Variants in ZW10 observed in about 807,000 individuals in gnomAD.
The protein encoded by ZW10 is zw10 kinetochore protein.
ZW10 carries 53 observed loss-of-function variants against 87.8 expected under a neutral mutation model. The ratio of observed to expected loss-of-function variants is 0.60; its 90% CI spans 0.48 to 0.76. The LOEUF (loss-of-function observed/expected upper bound fraction) is 0.76. Among genes scored for constraint, ZW10 ranks in the 30% least tolerant of loss-of-function variants. ZW10 has a pLI of 0.00. For synonymous variants in ZW10, 312 were observed against 329.2 expected (o/e 0.95, Z 0.57); for missense variants, 837 against 923.0 (o/e 0.91, Z 1.21).
At chr11:113,771,631 TCTC>T (rs1304213268) in intron 1 of ZW10, 1 of 152,152 alleles carries the variant, frequency 6.6e-6, no homozygotes, top group Non-Finnish European at 1.5e-5. Context: ...TGCCACAAAT[TCTC>T]CTTTATCTTT....
At chr11:113,753,936 G>A (rs954981535) in intron 7 of ZW10, among the ~76,000 whole-genome samples, 2 of 152,212 alleles carry the variant, frequency 1.3e-5, no homozygotes, top group African/African-American at 4.8e-5. Context: ...AGCAGCAAGT[G>A]CCAATGGAAA....
intron 2 of ZW10, among the ~76,000 whole-genome samples, chr11:113,761,548 T>A (rs2134892045): frequency 6.6e-6 from 1 of 152,278 alleles, no homozygotes; most frequent in South Asian, 2.1e-4. Context: ...CCCAAAGTGC[T>A]GAGATTGTAG....
chr11:113,739,492 G>C, intron 11 of ZW10, 110 bp from the exon 12 acceptor site: 1 of 957,654 alleles, frequency 1.0e-6, no homozygotes, highest in Non-Finnish European at 1.5e-6. Flanking sequence ...TAACTGTCTA[G>C]TTTCTAAATG....
At chr11:113,738,535 C>T (rs1953577683) in intron 12 of ZW10, 141 bp from the exon 13 acceptor site, 3 of 728,408 alleles carry the variant, frequency 4.1e-6, no homozygotes, top group South Asian at 5.4e-5. Flanking sequence ...TAAAGCTGCC[C>T]TAAAGCTACT....
intron 8 of ZW10, 60 bp from the exon 9 acceptor site, chr11:113,747,773 G>A: frequency 1.5e-6 from 2 of 1,361,334 alleles, no homozygotes; most frequent in South Asian, 1.6e-5. Flanking sequence ...TACAATATTA[G>A]AATTTCAAAT....
chr11:113,747,788 T>G, intron 8 of ZW10, 75 bp from the exon 9 acceptor site: 1 of 1,290,292 alleles, frequency 7.8e-7, no homozygotes, highest in South Asian at 1.7e-5. Flanking sequence ...TCAAATCCAA[T>G]GTATAAAAAA....
chr11:113,738,890 C>A (rs1413841214), intron 12 of ZW10, among the ~76,000 whole-genome samples: 5 of 152,116 alleles, frequency 3.3e-5, no homozygotes, highest in African/African-American at 4.8e-5. Context: ...CTCTTACCAA[C>A]AATACAAACA....
intron 1 of ZW10, chr11:113,769,638 G>A (rs113611802): frequency 2.6e-5 from 7 of 266,234 alleles, no homozygotes; most frequent in East Asian, 1.5e-4. Flanking sequence ...CAGTAGATGC[G>A]GGAAGCCGGA....
At chr11:113,760,701 A>AAAAG (rs1455872281) in intron 3 of ZW10, 111 bp from the exon 4 acceptor site, 1 of 1,207,010 alleles carries the variant, frequency 8.3e-7, no homozygotes, top group African/African-American at 1.6e-5. Flanking sequence ...TAAAAAAAAA[A>AAAAG]AAAGAAAGAA....
chr11:113,755,836 A>G (rs1448675078), intron 7 of ZW10, among the ~76,000 whole-genome samples: 2 of 152,216 alleles, frequency 1.3e-5, no homozygotes. Context: ...ACCCTTCACC[A>G]ACAAAAAGAT....
chr11:113,738,039 C>A, intron 13 of ZW10, among the ~76,000 whole-genome samples: 1 of 151,014 alleles, frequency 6.6e-6, no homozygotes, highest in African/African-American at 2.4e-5. Context: ...TAACAAGTTG[C>A]AATTATTGAG....
chr11:113,749,809 T>C (rs1953716843), intron 7 of ZW10, among the ~76,000 whole-genome samples: 1 of 152,258 alleles, frequency 6.6e-6, no homozygotes. Context: ...CACATATTAC[T>C]GTTGTATTGT....
At chr11:113,753,021 C>CT (rs1319951817) in intron 7 of ZW10, among the ~76,000 whole-genome samples, 3 of 150,966 alleles carry the variant, frequency 2.0e-5, no homozygotes, top group Non-Finnish European at 3.0e-5. Context: ...TTTACCTTTA[C>CT]TTTTTTTTTA....
At chr11:113,745,391 CAG>C (rs1180802385) in intron 9 of ZW10, among the ~76,000 whole-genome samples, 3 of 151,620 alleles carry the variant, frequency 2.0e-5, no homozygotes, top group African/African-American at 7.3e-5. Flanking sequence ...TGGACTTCGA[CAG>C]AGATTTTCTG....
At chr11:113,769,368 G>C (rs1386438983) in intron 1 of ZW10, among the ~76,000 whole-genome samples, 2 of 152,018 alleles carry the variant, frequency 1.3e-5, no homozygotes, top group Non-Finnish European at 2.9e-5. Context: ...TCAGACTGTG[G>C]TCACCAATTT....
chr11:113,772,818 CAAAAA>C (rs58651654), intron 1 of ZW10, among the ~76,000 whole-genome samples: 6 of 93,540 alleles, frequency 6.4e-5, no homozygotes, highest in South Asian at 3.7e-4. Context: ...ACTAAAAATA[CAAAAA>C]AAAAAAAAAA....
intron 2 of ZW10, among the ~76,000 whole-genome samples, chr11:113,765,225 T>C (rs1442911113): frequency 6.6e-6 from 1 of 152,248 alleles, no homozygotes; most frequent in Non-Finnish European, 1.5e-5. Flanking sequence ...ATGGCTTCAA[T>C]TACTAAGTGC....
At chr11:113,758,778 C>T in intron 5 of ZW10, 72 bp from the exon 6 acceptor site, 1 of 1,427,354 alleles carries the variant, frequency 7.0e-7, no homozygotes, top group Admixed American at 1.8e-5. Context: ...CCTCAGAGCT[C>T]ATTCTCTGAT....
Position 113,743,714 on chromosome 11 carries a change from G to C in ZW10, c.1511+88C>G. 9 of 1,083,280 alleles carry C rather than the reference G, an allele frequency of 8.3e-6. No homozygotes were observed. The South Asian group carries it at 1.2e-4, about 14-fold the overall frequency. The allele number at this position is 1,083,280 out of a possible 1,614,324, so 67.1% of individuals were successfully genotyped here. On this transcript the variant is annotated intron_variant, in intron 10 of 15. Transcript: ENST00000200135. ...AACTTCTAGGATATGAAAACCCAAA[G>C]AATTCCAGCTAATTTTCCTGATAAA...
Sources: gnomAD v4.1 joint callset for allele counts (sites outside exome capture counted in the v4.1 genomes callset) on GRCh38, gnomAD v4.1.1 for gene constraint, MANE v1.5 for transcripts, NCBI Gene and HGNC (gene_info 2026-07-23, HGNC 2026-07-21) for gene names.